Variants in TIE1 observed in about 807,000 individuals in gnomAD.
TIE1 encodes the protein tyrosine kinase with immunoglobulin like and EGF like domains 1.
Under a neutral mutation model 130.5 loss-of-function variants are expected in TIE1, and 89 were observed. The observed-to-expected ratio is 0.68, with a 90% confidence interval of 0.57 to 0.81. The LOEUF (loss-of-function observed/expected upper bound fraction) is 0.81. Among genes scored for constraint, TIE1 ranks in the 40% least tolerant of loss-of-function variants. The pLI, the probability that TIE1 is intolerant of heterozygous loss-of-function variation, is 0.00. For missense variants in TIE1, 1,392 were observed against 1,559.8 expected (o/e 0.89, Z 1.81); for synonymous variants, 568 against 629.4 (o/e 0.90, Z 1.46).
chr1:43,307,628 C>T lies in TIE1; in HGVS notation c.913+56C>T. The T allele has an allele frequency of 6.2e-7, 1 of 1,611,482 alleles. No homozygotes were observed. On this transcript the variant is annotated intron_variant, in intron 6 of 22. Coordinates refer to ENST00000372476, the MANE Select transcript of TIE1 (RefSeq NM_005424.5). The surrounding 1 kb of genome is among the most constrained non-coding windows in gnomAD (Gnocchi z 5.4). ...CCAAGACAGCTGGCCAGGAGCTTGA[C>T]CCGGACCCTCCACTCTGCCTCTGAC... is the stretch of plus-strand genomic sequence containing the variant.
At chr1:43,321,536 T>TG (rs781214200) in intron 21 of TIE1, 44 bp downstream of exon 21, 29 of 1,577,344 alleles carry the variant, frequency 1.8e-5, no homozygotes, top group African/African-American at 2.7e-5. Flanking sequence ...ATCTCTGTGA[T>TG]GAGTGACCTC....
Position 43,306,964 on chromosome 1 carries a change from G to A in TIE1, c.609G>A (p.Leu203=). The change falls in exon 4 of 23, where the codon CTG becomes CTA. Residue 203 remains leucine, a synonymous_variant. Transcript: ENST00000372476. The surrounding 1 kb of genome is among the most constrained non-coding windows in gnomAD (Gnocchi z 4.9). ...CCACTTACCTGGAAGCCAGCCCCCT[G>A]GGCAGCGCCTTCTTTCGGCTCATCG... The part of the protein sequence containing the change: ...YSATYLEASP[L]GSAFFRLIVR... 6.2e-7 allele frequency: 1 copy of A among 1,613,962 alleles called. No homozygotes were observed. The highest frequency in any genetic ancestry group is 1.1e-5 in the South Asian group (1 of 91,080).
In TIE1 at chr1:43,309,336, C is replaced by CCACAGG; in HGVS notation, c.1189-47_1189-46insGCACAG. 2 of 1,539,406 alleles carry CCACAGG rather than the reference C, an allele frequency of 1.3e-6. No individual in the cohort carries two copies. Among genetic ancestry groups the CCACAGG allele is most frequent in the Non-Finnish European group, 1.7e-6 (2 of 1,146,220 alleles). ...GTCCAGACGGACACCTGGGTGCCTG[C>CCACAGG]CACAGAGGTGCCCGTTCCCTGTGAC... On this transcript the variant is annotated intron_variant, in intron 8 of 22. Transcript: ENST00000372476. This position sits in a 1 kb window ranked among gnomAD's most constrained non-coding sequence, Gnocchi z 6.3.
Position 43,322,552 on chromosome 1 carries a change from C to A in TIE1, c.3346-99C>A. ...GCCATCTTAGGTCTCCAGAACAAAT[C>A]AGTGTCAGTTCAAATGCCCCCACCA... On this transcript the variant is annotated intron_variant, in intron 22 of 22. Transcript: ENST00000372476. The surrounding 1 kb of genome is among the most constrained non-coding windows in gnomAD (Gnocchi z 4.0). 2.3e-6 allele frequency: 2 copies of A among 873,378 alleles called. No individual in the cohort carries two copies. The highest frequency in any genetic ancestry group is 3.7e-6 in the Non-Finnish European group (2 of 534,254). 54.1% of individuals were successfully genotyped at this position (873,378 alleles called of 1,614,324 possible). A position where few individuals can be genotyped will look rare whatever the true frequency, so the allele number is the denominator to read the frequency against.
chr1:43,307,757 T>C lies in TIE1; in HGVS notation c.914-39T>C, dbSNP rs748302225. 4 of 1,612,554 alleles carry C rather than the reference T, an allele frequency of 2.5e-6. No individual in the cohort carries two copies. The highest frequency in any genetic ancestry group is 2.2e-5 in the South Asian group (2 of 90,982). On this transcript the variant is annotated intron_variant, in intron 6 of 22. Coordinates refer to ENST00000372476, the MANE Select transcript of TIE1 (RefSeq NM_005424.5). The surrounding 1 kb of genome is among the most constrained non-coding windows in gnomAD (Gnocchi z 5.4). ...CCTCATCTGTGCCCTCATTGCCCCCTGTCCCATGCCCCTCTAATCATACCT... is the reference window on the plus strand; with the variant it reads ...CCTCATCTGTGCCCTCATTGCCCCCCGTCCCATGCCCCTCTAATCATACCT...
At chr1:43,308,192 G>C (rs1272154499) in intron 7 of TIE1, among the ~76,000 whole-genome samples, 1 of 152,232 alleles carries the variant, frequency 6.6e-6, no homozygotes, top group Admixed American at 6.5e-5. Flanking sequence ...GAGCCCAGAG[G>C]ATGCCCCTGG....
intron 1 of TIE1, among the ~76,000 whole-genome samples, chr1:43,302,873 G>C (rs1225047822): frequency 6.6e-6 from 1 of 152,014 alleles, no homozygotes; most frequent in African/African-American, 2.4e-5. Context: ...TGGGGATGAA[G>C]TCAAGAAGCG....
At position 43,321,619 on chromosome 1, in the gene TIE1, C is replaced by A. The variant is rs924767955; in HGVS notation, c.3249C>A (p.Tyr1083Ter). The change falls in exon 22 of 23, where the codon TAC (tyrosine) becomes TAA (stop). Residue 1083 changes from tyrosine (Y) to a stop codon, truncating the protein, a stop_gained. Coordinates refer to ENST00000372476, the MANE Select transcript of TIE1 (RefSeq NM_005424.5). LOFTEE classifies it high-confidence loss of function. Reference sequence around the variant, plus strand: ...TCTCAGCAATGCCCCCTCGCAGGTACGAGCTGATGCGTCAGTGCTGGCGGG... The same window carrying A: ...TCTCAGCAATGCCCCCTCGCAGGTAAGAGCTGATGCGTCAGTGCTGGCGGG... ...EQPRNCDDEVYELMRQCWRDR... is the reference protein window; with the variant it reads ...EQPRNCDDEV The A allele has an allele frequency of 6.4e-7, 1 of 1,553,936 alleles. No individual in the cohort carries two copies. The highest frequency in any genetic ancestry group is 8.7e-7 in the Non-Finnish European group (1 of 1,148,222).
In TIE1 at chr1:43,322,381, T is replaced by C. The variant is rs1570456871; in HGVS notation, c.3346-270T>C. ...TTGAACAGATAAGTTACTGAATGAA[T>C]GAACGCATAAGCCAAGAATTCATTG... On this transcript the variant is annotated intron_variant, in intron 22 of 22. Coordinates refer to ENST00000372476, the MANE Select transcript of TIE1 (RefSeq NM_005424.5). The surrounding 1 kb of genome is among the most constrained non-coding windows in gnomAD (Gnocchi z 4.0). 6.6e-6 allele frequency among the ~76,000 whole-genome samples: 1 copy of C among 152,318 alleles called. No homozygotes were observed. Among genetic ancestry groups the C allele is most frequent in the African/African-American group, 2.4e-5 (1 of 41,566 alleles).
Position 43,305,090 on chromosome 1 carries a change from G to T in TIE1, c.298G>T (p.Val100Leu), listed in dbSNP as rs747323848. 8 of 1,612,664 alleles carry T rather than the reference G, an allele frequency of 5.0e-6. No homozygotes were observed. The highest frequency in any genetic ancestry group is 6.8e-6 in the Non-Finnish European group (8 of 1,179,352). Residue 100 changes from valine to leucine, a missense_variant, in exon 2 of 23, where the codon GTG becomes TTG. Physicochemically the swap from Val to Leu is conservative, Grantham distance 32. Around this residue, in one of 6 missense-constraint regions of TIE1, gnomAD observed 415 missense variants for 424.8 expected, o/e 0.98. Coordinates refer to ENST00000372476, the MANE Select transcript of TIE1 (RefSeq NM_005424.5). ...CGGCTTCTCCAAGCCCTCGGACCTCGTGGGCGTCTTCTCCTGCGTGGGCGG... is the reference window on the plus strand; with the variant it reads ...CGGCTTCTCCAAGCCCTCGGACCTCTTGGGCGTCTTCTCCTGCGTGGGCGG... Reference protein sequence around the residue: ...LRGFSKPSDLVGVFSCVGGAG... With the variant: ...LRGFSKPSDLLGVFSCVGGAG...
chr1:43,313,123 C>A lies in TIE1; in HGVS notation c.1928-12C>A, dbSNP rs765660462. On this transcript the variant is annotated splice_polypyrimidine_tract_variant and intron_variant, in intron 12 of 22. Transcript: ENST00000372476. The surrounding 1 kb of genome is among the most constrained non-coding windows in gnomAD (Gnocchi z 6.2). ...CCTATCTGAGCCTTGCCTTCCCCCACCATCTCCCCAGGGCCTCCAGCCCCC... is the reference window on the plus strand; with the variant it reads ...CCTATCTGAGCCTTGCCTTCCCCCAACATCTCCCCAGGGCCTCCAGCCCCC... The A allele has an allele frequency of 3.1e-6, 5 of 1,592,760 alleles. No homozygotes were observed. Among genetic ancestry groups the A allele is most frequent in the Non-Finnish European group, 4.3e-6 (5 of 1,170,230 alleles).
intron 1 of TIE1, chr1:43,302,662 G>A (rs915077278): frequency 1.3e-5 from 2 of 152,322 alleles, no homozygotes; most frequent in Non-Finnish European, 2.9e-5. Flanking sequence ...GAGGGATAGC[G>A]TGGGAGCATC....
chr1:43,322,067 A>G lies in TIE1; in HGVS notation c.3345+352A>G, dbSNP rs1220827638. On this transcript the variant is annotated intron_variant, in intron 22 of 22. Coordinates refer to ENST00000372476, the MANE Select transcript of TIE1 (RefSeq NM_005424.5). This position sits in a 1 kb window ranked among gnomAD's most constrained non-coding sequence, Gnocchi z 4.0. ...GCCAGAGCCAGAGCAGAGTGCATGA[A>G]TAGTCACTAACCAGATGGATGGATG... Among the ~76,000 whole-genome samples, 3 of 152,206 alleles carry G rather than the reference A, an allele frequency of 2.0e-5. No homozygotes were observed. Among genetic ancestry groups the G allele is most frequent in the Non-Finnish European group, 4.4e-5 (3 of 68,034 alleles).
In TIE1 at chr1:43,322,513, C is replaced by G; in HGVS notation, c.3346-138C>G. On this transcript the variant is annotated intron_variant, in intron 22 of 22. Coordinates refer to ENST00000372476, the MANE Select transcript of TIE1 (RefSeq NM_005424.5). This position sits in a 1 kb window ranked among gnomAD's most constrained non-coding sequence, Gnocchi z 4.0. ...CACTGCCCTGGGCTGGTAAAGGCCA[C>G]TCTTGGCCATGGGGCCATCTTAGGT... The G allele has an allele frequency of 1.5e-6, 1 of 679,518 alleles. No individual in the cohort carries two copies. Among genetic ancestry groups the G allele is most frequent in the Non-Finnish European group, 2.6e-6 (1 of 385,420 alleles). 42.1% of individuals were successfully genotyped at this position (679,518 alleles called of 1,614,324 possible).
rs1646809560 is a variant in TIE1, at chr1:43,312,537, G to C, written c.1863G>C (p.Gln621His). The C allele has an allele frequency of 6.2e-7, 1 of 1,613,480 alleles. No homozygotes were observed. The change falls in exon 12 of 23, where the codon CAG becomes CAC. Residue 621 changes from glutamine (Q) to histidine (H), a missense_variant. By Grantham distance (24) the Gln-to-His change is conservative (BLOSUM62 0). This residue lies in a region of TIE1 where 551 missense variants were observed against 565.5 expected (regional missense o/e 0.97). Transcript: ENST00000372476. The surrounding 1 kb of genome is among the most constrained non-coding windows in gnomAD (Gnocchi z 5.6). The stretch of plus-strand genomic sequence containing the variant: ...GCACCCACTACCAGCTGGATGTGCA[G>C]CTCTACCACTGCACCCTCCTGGGCC... ...TPGTHYQLDV[Q>H]LYHCTLLGPA...
chr1:43,320,062 A>C, intron 19 of TIE1: 2 of 176,974 alleles, frequency 1.1e-5, no homozygotes, highest in Non-Finnish European at 2.4e-5. Context: ...TGCTTACCAC[A>C]CTGATCACTC....
In TIE1 at chr1:43,311,794, C is replaced by T. The variant is rs766798246; in HGVS notation, c.1457C>T (p.Pro486Leu). 1 of 1,614,042 alleles carries T rather than the reference C, an allele frequency of 6.2e-7. No homozygotes were observed. The highest frequency in any genetic ancestry group is 8.5e-7 in the Non-Finnish European group (1 of 1,179,978). ...PISTVRLHYR[P>L]QDSTMDWSTI... ...TCCACTGTCCGCCTGCACTACCGGCCCCAGGACAGTACCATGGACTGGTCG... is the reference window on the plus strand; with the variant it reads ...TCCACTGTCCGCCTGCACTACCGGCTCCAGGACAGTACCATGGACTGGTCG... Residue 486 changes from proline to leucine, a missense_variant, in exon 10 of 23, where the codon CCC becomes CTC. By Grantham distance (98) the Pro-to-Leu change is moderately conservative (BLOSUM62 -3). Transcript: ENST00000372476.
chr1:43,313,417 T>C lies in TIE1; in HGVS notation c.2210T>C (p.Leu737Pro). The C allele has an allele frequency of 2.5e-6, 4 of 1,613,784 alleles. No individual in the cohort carries two copies. Among genetic ancestry groups the C allele is most frequent in the Non-Finnish European group, 2.5e-6 (3 of 1,179,888 alleles). ...AGCAACACAGTAGAAGAGTCCACCC[T>C]GGGCAACGGTGAGAGGGCAGGGCCC... Reference protein sequence around the residue: ...DWSNTVEESTLGNGLQAEGPV... With the variant: ...DWSNTVEESTPGNGLQAEGPV... Residue 737 changes from leucine to proline, a missense_variant, in exon 13 of 23, where the codon CTG becomes CCG. Physicochemically the swap from Leu to Pro is moderately conservative, Grantham distance 98. Transcript: ENST00000372476. This position sits in a 1 kb window ranked among gnomAD's most constrained non-coding sequence, Gnocchi z 6.2.
At position 43,313,674 on chromosome 1, in the gene TIE1, C is replaced by A; in HGVS notation, c.2219-104C>A. On this transcript the variant is annotated intron_variant, in intron 13 of 22. Transcript: ENST00000372476. The surrounding 1 kb of genome is among the most constrained non-coding windows in gnomAD (Gnocchi z 6.2). ...GTGGCCCAAGTGATTTCCTGACAGT[C>A]CTGGCACTGGGATCTTTCACCTCTC... 7.7e-7 allele frequency: 1 copy of A among 1,291,178 alleles called. No homozygotes were observed. The highest frequency in any genetic ancestry group is 1.0e-6 in the Non-Finnish European group (1 of 952,566). 80.0% of individuals were successfully genotyped at this position (1,291,178 alleles called of 1,614,324 possible).
Sources: allele counts gnomAD v4.1 joint callset (sites outside exome capture counted in the v4.1 genomes callset), GRCh38; gene constraint gnomAD v4.1.1; regional missense constraint gnomAD v4.1.1; non-coding constraint Gnocchi (gnomAD v3.1); transcripts MANE v1.5; gene names NCBI Gene and HGNC (gene_info 2026-07-23, HGNC 2026-07-21).